Variants in EPHA4 observed in about 807,000 individuals in gnomAD.
EPHA4 encodes the protein EPH receptor A4.
EPHA4 carries 19 observed loss-of-function variants against 108.3 expected under a neutral mutation model. That is an observed-to-expected ratio of 0.18 (90% CI 0.12 to 0.26). The LOEUF is 0.26. Among genes scored for constraint, EPHA4 ranks in the 10% least tolerant of loss-of-function variants. The pLI is 1.00. For synonymous variants in EPHA4, 449 were observed against 455.5 expected, an observed-to-expected ratio of 0.99 and a Z score of 0.18; for missense variants, 917 against 1,254.0, an observed-to-expected ratio of 0.73 and a Z score of 4.06.
At chr2:221,468,523 T>C (rs866153695) in intron 5 of EPHA4, among the ~76,000 whole-genome samples, 2 of 152,216 alleles carry the variant, frequency 1.3e-5, no homozygotes, top group African/African-American at 2.4e-5. Context: ...ATCGTCCTGC[T>C]GTGTTAGGAA....
chr2:221,445,205 C>T (rs538176578), intron 9 of EPHA4, among the ~76,000 whole-genome samples: 1 of 152,166 alleles, frequency 6.6e-6, no homozygotes, highest in African/African-American at 2.4e-5. Context: ...TATTGGCTTA[C>T]ATTTTGGACA....
At chr2:221,438,701 C>T (rs180984007) in intron 11 of EPHA4, among the ~76,000 whole-genome samples, 138 of 152,170 alleles carry the variant, frequency 9.1e-4, no homozygotes, top group African/African-American at 3.3e-3. Flanking sequence ...AAGAGAATCA[C>T]TTGAGCCCAG....
chr2:221,526,246 A>G (rs578097007), intron 3 of EPHA4, among the ~76,000 whole-genome samples: 130 of 152,228 alleles, frequency 8.5e-4, no homozygotes, highest in Non-Finnish European at 1.6e-3. Context: ...CTTTATATAC[A>G]TAATCATACT....
chr2:221,428,377 G>A (rs1689973350), intron 15 of EPHA4, among the ~76,000 whole-genome samples: 1 of 152,114 alleles, frequency 6.6e-6, no homozygotes. Context: ...TCTCATTATA[G>A]GTAAGCCATA....
At chr2:221,500,413 C>G (rs1392979302) in intron 4 of EPHA4, among the ~76,000 whole-genome samples, 1 of 152,188 alleles carries the variant, frequency 6.6e-6, no homozygotes, top group East Asian at 1.9e-4. Context: ...GGAACACTGT[C>G]CATATAAAGT....
In EPHA4 at chr2:221,455,584, C is replaced by A. The variant is rs1178896117; in HGVS notation, c.1678G>T (p.Val560Leu). Residue 560 changes from valine (V) to leucine (L), a missense_variant, in exon 8 of 18, where the codon GTG (valine) becomes TTG (leucine). By Grantham distance (32) the Val-to-Leu change is conservative. Around this residue, in one of 3 missense-constraint regions of EPHA4, gnomAD observed 758 missense variants for 1,076.7 expected, o/e 0.70. Transcript: ENST00000281821. The stretch of plus-strand genomic sequence containing the variant: ...ACAAAAGCTGCAATGAGAATTACCA[C>A]CAGCACCACACTGCCCGAGACAGAG... ...LVSVSGSVVL[V>L]VILIAAFVIS... is the part of the protein sequence containing the mutation. 1 of 1,613,990 alleles carries A rather than the reference C, an allele frequency of 6.2e-7. No homozygotes were observed. The highest frequency in any genetic ancestry group is 1.7e-5 in the Admixed American group (1 of 60,012).
intron 4 of EPHA4, among the ~76,000 whole-genome samples, chr2:221,488,787 G>A (rs1692053070): frequency 6.6e-6 from 1 of 151,886 alleles, no homozygotes; most frequent in African/African-American, 2.4e-5. Flanking sequence ...TCTTCTCTGG[G>A]GAAAAAAACA....
At chr2:221,553,364 C>T (rs957232054) in intron 3 of EPHA4, among the ~76,000 whole-genome samples, 52 of 152,254 alleles carry the variant, frequency 3.4e-4, no homozygotes, top group African/African-American at 1.1e-3. Context: ...AGCTGGGAAA[C>T]GTGAAGTCTT....
chr2:221,482,299 G>T, intron 5 of EPHA4, 53 bp downstream of exon 5: 1 of 1,399,016 alleles, frequency 7.1e-7, no homozygotes, highest in Non-Finnish European at 9.7e-7. Flanking sequence ...ATTATTTTAA[G>T]CCTTTTCTCT....
chr2:221,509,657 T>A (rs1364042359), intron 3 of EPHA4, among the ~76,000 whole-genome samples: 1 of 152,218 alleles, frequency 6.6e-6, no homozygotes, highest in Non-Finnish European at 1.5e-5. Flanking sequence ...TATAAAGGAA[T>A]ATACCAGACA....
rs1410165253 is a variant in EPHA4, at chr2:221,426,604, C to T, written c.2706G>A (p.Leu902=). The T allele has an allele frequency of 6.2e-7, 1 of 1,613,402 alleles. No homozygotes were observed. The highest frequency in any genetic ancestry group is 1.1e-5 in the South Asian group (1 of 90,908). Residue 902 remains leucine, a synonymous_variant, in exon 16 of 18, where the codon TTG becomes TTA. Transcript: ENST00000281821. ...GTESSRPNTA[L]LDPSSPEFSA... The stretch of plus-strand genomic sequence containing the variant: ...AGAATTCAGGGGAGCTTGGATCCAA[C>T]AAGGCAGTGTTAGGTCTAGAAAGAG...
intron 3 of EPHA4, among the ~76,000 whole-genome samples, chr2:221,537,407 C>T (rs916774704): frequency 3.3e-5 from 5 of 152,208 alleles, no homozygotes; most frequent in African/African-American, 7.2e-5. Flanking sequence ...TCTCATTTAT[C>T]AATAGCCTGG....
chr2:221,567,616 A>T (rs1229050701), intron 2 of EPHA4, among the ~76,000 whole-genome samples: 3 of 152,188 alleles, frequency 2.0e-5, no homozygotes, highest in African/African-American at 7.2e-5. Context: ...TGGATTACAA[A>T]ATCTGTTTGC....
chr2:221,477,937 C>T (rs1370268459), intron 5 of EPHA4, among the ~76,000 whole-genome samples: 1 of 152,098 alleles, frequency 6.6e-6, no homozygotes, highest in African/African-American at 2.4e-5. Context: ...CACTAGGACA[C>T]CATAGCTGTG....
intron 3 of EPHA4, among the ~76,000 whole-genome samples, chr2:221,545,741 A>T (rs771677479): frequency 1.6e-4 from 25 of 152,062 alleles, no homozygotes; most frequent in Admixed American, 5.9e-4. Flanking sequence ...TGGCCACTGT[A>T]TCCATTGGTG....
At chr2:221,424,622 G>A (rs1689846001) in intron 17 of EPHA4, among the ~76,000 whole-genome samples, 1 of 152,160 alleles carries the variant, frequency 6.6e-6, no homozygotes, top group Admixed American at 6.5e-5. Flanking sequence ...GCATTTTTCA[G>A]TAGTTCAACT....
rs138487943 is a variant in EPHA4, at chr2:221,461,691, G to A, written c.1319-3701C>T. Reference sequence around the variant, plus strand: ...AGATAGAAAATAATTGTTGGTATCAGACTAAGTACCACCAAATACTTTAGC... The same window carrying A: ...AGATAGAAAATAATTGTTGGTATCAAACTAAGTACCACCAAATACTTTAGC... On this transcript the variant is annotated intron_variant, in intron 5 of 17. Transcript: ENST00000281821. Among the ~76,000 whole-genome samples the A allele has an allele frequency of 5.9e-3, 896 of 152,242 alleles. 12 individuals are homozygous for A. Among genetic ancestry groups the A allele is most frequent in the African/African-American group, 0.02 (836 of 41,550 alleles).
chr2:221,499,749 TA>T (rs57547976), intron 4 of EPHA4, among the ~76,000 whole-genome samples: 537 of 49,806 alleles, frequency 0.011, 4 homozygotes, highest in African/African-American at 0.039. Flanking sequence ...TATATATATA[TA>T]TATATATTTT....
intron 4 of EPHA4, among the ~76,000 whole-genome samples, chr2:221,499,715 A>AATATATAT (rs369326575): frequency 2.1e-4 from 10 of 48,452 alleles, no homozygotes; most frequent in Admixed American, 4.3e-4. Flanking sequence ...AACTAAAACT[A>AATATATAT]ATATATATAT....
Sources: gnomAD v4.1 joint callset for allele counts (sites outside exome capture counted in the v4.1 genomes callset) on GRCh38, gnomAD v4.1.1 for gene constraint, gnomAD v4.1.1 regional missense constraint, MANE v1.5 for transcripts, NCBI Gene and HGNC (gene_info 2026-07-23, HGNC 2026-07-21) for gene names.